The following DOCK6 variants were observed in gnomAD, a reference collection of about 807,000 sequenced individuals.
DOCK6 encodes dedicator of cytokinesis protein 6.
Under a neutral mutation model 230.3 loss-of-function variants are expected in DOCK6, and 167 were observed. That is an observed-to-expected ratio of 0.73 (90% CI 0.64 to 0.82). The LOEUF (loss-of-function observed/expected upper bound fraction) is 0.82, where lower values mean the gene tolerates loss of function less well. Among genes scored for constraint, DOCK6 ranks in the 40% least tolerant of loss-of-function variants. DOCK6 has a pLI of 0.00. For synonymous variants in DOCK6, 1,148 were observed against 1,185.0 expected (o/e 0.97, Z 0.64); for missense variants, 2,598 against 2,825.8 (o/e 0.92, Z 1.83).
intron 16 of DOCK6, 69 bp downstream of exon 16, chr19:11,237,976 T>C (rs2079877698): frequency 1.2e-5 from 18 of 1,543,912 alleles, no homozygotes; most frequent in Non-Finnish European, 1.6e-5. Context: ...CTGCCTTATG[T>C]GTATATATAA....
rs2079510899 is a variant in DOCK6 at position 11,217,449 on chromosome 19, C to A, written c.3551-58G>T. The A allele has an allele frequency of 1.9e-6, 3 of 1,566,456 alleles. No individual in the cohort carries two copies. The South Asian group carries it at 3.5e-5, about 18-fold the overall frequency. On this transcript the variant is annotated intron_variant, in intron 28 of 47. Transcript: ENST00000294618. ...AACCCTTGGTAAGTGCTGTCCCTGT[C>A]TCAAATTTCAGAAGTCTTCCCTCAT...
At position 11,234,934 on chromosome 19, in the gene DOCK6, ATCTT is replaced by A. The variant is rs1489436780; in HGVS notation, c.2554+660_2554+663del. ...CACTACCTGGATGCTCTTCTCCCAG[ATCTT>A]TCTTTCTTATTTTTTTTTTTTTGAA... On this transcript the variant is annotated intron_variant, in intron 21 of 47. Transcript: ENST00000294618. 4.0e-5 allele frequency among the ~76,000 whole-genome samples: 6 copies of A among 151,564 alleles called. No homozygotes were observed. In the South Asian group the frequency reaches 1.0e-3, roughly 26 times the overall value.
Position 11,202,823 on chromosome 19 carries a change from C to T in DOCK6, c.5236-114G>A, listed in dbSNP as rs2079193667. On this transcript the variant is annotated intron_variant, in intron 41 of 47. Coordinates refer to ENST00000294618, the MANE Select transcript of DOCK6 (RefSeq NM_020812.4). This position sits in a 1 kb window ranked among gnomAD's most constrained non-coding sequence, Gnocchi z 5.3. ...GGGAGTGTGAGGACCCCGAGAACAT[C>T]AGGGCATGGGCACAGGCAGGGGGCC... is the stretch of plus-strand genomic sequence containing the variant. 1.3e-6 allele frequency: 2 copies of T among 1,553,030 alleles called. No homozygotes were observed. The highest frequency in any genetic ancestry group is 2.2e-5 in the East Asian group (1 of 44,522).
At chr19:11,220,100 CCCA>C (rs1395197650) in intron 28 of DOCK6, among the ~76,000 whole-genome samples, 1 of 151,888 alleles carries the variant, frequency 6.6e-6, no homozygotes, top group African/African-American at 2.4e-5. Context: ...ATTACCGGTG[CCCA>C]CCACCACGTC....
In DOCK6 at chr19:11,227,482, G is replaced by A. The variant is rs1183416256; in HGVS notation, c.2815-5C>T. ...GTGCAGCGCCATACTCTTCACCTGGGGGTGGGGTGAGAGGGCTGTGGGTGG... is the reference window on the plus strand; with the variant it reads ...GTGCAGCGCCATACTCTTCACCTGGAGGTGGGGTGAGAGGGCTGTGGGTGG... On this transcript the variant is annotated splice_polypyrimidine_tract_variant and splice_region_variant and intron_variant, in intron 23 of 47. Transcript: ENST00000294618. 2 of 1,567,378 alleles carry A rather than the reference G, an allele frequency of 1.3e-6. No homozygotes were observed.
intron 1 of DOCK6, among the ~76,000 whole-genome samples, chr19:11,257,115 T>C (rs1217763906): frequency 6.6e-6 from 1 of 151,536 alleles, no homozygotes; most frequent in Non-Finnish European, 1.5e-5. Flanking sequence ...GCCTCCTGAG[T>C]AGCTGGGACA....
intron 7 of DOCK6, chr19:11,247,613 G>C (rs950520371): frequency 4.5e-5 from 7 of 156,358 alleles, no homozygotes; most frequent in African/African-American, 1.7e-4. Context: ...CTCCCCGGGG[G>C]CTGGTGTGGA....
chr19:11,252,225 T>C lies in DOCK6; in HGVS notation c.401A>G (p.Tyr134Cys). 1.9e-6 allele frequency: 3 copies of C among 1,584,260 alleles called. No homozygotes were observed. The South Asian group carries it at 3.4e-5, about 18-fold the overall frequency. ...CTGTGTGTCTGTGGTGACGGGGCTG[T>C]ATGCTGCACTCAGGTACTGATACCT... ...HRRYQYLSAAYSPVTTDTQRE... is the reference protein window; with the variant it reads ...HRRYQYLSAACSPVTTDTQRE... The change falls in exon 5 of 48, where the codon TAC (tyrosine) becomes TGC (cysteine). Residue 134 changes from tyrosine (Y) to cysteine (C), a missense_variant. Coordinates refer to ENST00000294618, the MANE Select transcript of DOCK6 (RefSeq NM_020812.4).
chr19:11,218,024 G>A (rs2079521994), intron 28 of DOCK6, among the ~76,000 whole-genome samples: 1 of 151,798 alleles, frequency 6.6e-6, no homozygotes, highest in South Asian at 2.1e-4. Flanking sequence ...GCTAATTTTT[G>A]TATTTTTAGT....
chr19:11,201,663 C>T lies in DOCK6; in HGVS notation c.5688+226G>A, dbSNP rs1177341730. 6.6e-6 allele frequency among the ~76,000 whole-genome samples: 1 copy of T among 151,838 alleles called. No individual in the cohort carries two copies. Among genetic ancestry groups the T allele is most frequent in the African/African-American group, 2.4e-5 (1 of 41,306 alleles). ...TCTGGGTCTGGAATCCCTGGGCCAC[C>T]CTGGGTCTGGGGTCCCTGCATCTTG... On this transcript the variant is annotated intron_variant, in intron 44 of 47. Transcript: ENST00000294618. The surrounding 1 kb of genome is among the most constrained non-coding windows in gnomAD (Gnocchi z 4.3).
chr19:11,251,935 A>C, intron 5 of DOCK6, 184 bp downstream of exon 5: 1 of 824,382 alleles, frequency 1.2e-6, no homozygotes, highest in South Asian at 1.7e-5. Context: ...TGAAGCCTTC[A>C]GTACACCCTA....
chr19:11,218,143 C>A (rs1036073545), intron 28 of DOCK6, among the ~76,000 whole-genome samples: 3 of 151,932 alleles, frequency 2.0e-5, no homozygotes, highest in Non-Finnish European at 2.9e-5. Flanking sequence ...AGCCATGGCG[C>A]CTGGCCTATT....
intron 1 of DOCK6, 96 bp from the exon 2 acceptor site, chr19:11,253,822 A>C (rs1040416223): frequency 1.1e-6 from 1 of 879,806 alleles, no homozygotes; most frequent in Non-Finnish European, 1.7e-6. Context: ...TGTGGAACGA[A>C]ATAAATAGGC....
chr19:11,237,204 G>A (rs1308755419), intron 18 of DOCK6: 1 of 596,542 alleles, frequency 1.7e-6, no homozygotes, highest in Non-Finnish European at 3.0e-6. Context: ...GTACTACGAG[G>A]GCAGGGGACA....
At position 11,202,874 on chromosome 19, in the gene DOCK6, A is replaced by C. The variant is rs1192537579; in HGVS notation, c.5236-165T>G. On this transcript the variant is annotated intron_variant, in intron 41 of 47. Coordinates refer to ENST00000294618, the MANE Select transcript of DOCK6 (RefSeq NM_020812.4). The surrounding 1 kb of genome is among the most constrained non-coding windows in gnomAD (Gnocchi z 5.3). Reference sequence around the variant, plus strand: ...CTGAGAACATTGGGGCATGGATTGCAATAGGAAGTTAGGACTGGGGCTGTA... The same window carrying C: ...CTGAGAACATTGGGGCATGGATTGCCATAGGAAGTTAGGACTGGGGCTGTA... Among the ~76,000 whole-genome samples the C allele has an allele frequency of 4.0e-5, 6 of 151,896 alleles. No homozygotes were observed. In the South Asian group the frequency reaches 1.2e-3, roughly 32 times the overall value.
intron 1 of DOCK6, among the ~76,000 whole-genome samples, chr19:11,254,946 G>C (rs995928073): frequency 1.3e-5 from 2 of 152,204 alleles, no homozygotes; most frequent in African/African-American, 4.8e-5. Flanking sequence ...GGGTCTCTGT[G>C]AAGGCAGGAG....
chr19:11,262,134 A>C (rs1406947232), intron 1 of DOCK6, among the ~76,000 whole-genome samples: 2 of 150,994 alleles, frequency 1.3e-5, no homozygotes, highest in African/African-American at 4.9e-5. Context: ...CTCCGGACAC[A>C]CCCCCGCGCG....
intron 24 of DOCK6, 108 bp from the exon 25 acceptor site, chr19:11,223,214 A>C: frequency 1.0e-6 from 1 of 994,890 alleles, no homozygotes; most frequent in Admixed American, 2.5e-5. Flanking sequence ...TCACTGCCCC[A>C]AAGCCTTTGT....
intron 41 of DOCK6, chr19:11,203,843 G>A: frequency 1.7e-6 from 1 of 597,410 alleles, no homozygotes; most frequent in East Asian, 2.9e-5. Context: ...AGGGAGGGGT[G>A]TCTCTGGAGA....
Sources: gnomAD v4.1 joint callset for allele counts (sites outside exome capture counted in the v4.1 genomes callset) on GRCh38, gnomAD v4.1.1 for gene constraint, Gnocchi (gnomAD v3.1) non-coding constraint, MANE v1.5 for transcripts, NCBI Gene and HGNC (gene_info 2026-07-23, HGNC 2026-07-21) for gene names.